SLC22A23: variants seen among roughly 807,000 people sequenced by gnomAD.
SLC22A23 encodes solute carrier family 22 member 23, also known as ion transporter protein.
SLC22A23 carries 26 observed loss-of-function variants against 61.0 expected under a neutral mutation model. That is an observed-to-expected ratio of 0.43 (90% CI 0.31 to 0.59). The LOEUF (loss-of-function observed/expected upper bound fraction) is 0.59. Among genes scored for constraint, SLC22A23 ranks in the 20% least tolerant of loss-of-function variants. The pLI is 0.11. For synonymous variants in SLC22A23, 430 were observed against 413.9 expected, an observed-to-expected ratio of 1.04 and a Z score of -0.47; for missense variants, 796 against 934.7, an observed-to-expected ratio of 0.85 and a Z score of 1.94.
At chr6:3,451,332 G>T (rs1213878463) in intron 1 of SLC22A23, among the ~76,000 whole-genome samples, 2 of 152,192 alleles carry the variant, frequency 1.3e-5, no homozygotes, top group East Asian at 3.9e-4. Flanking sequence ...TAGTAGCTGG[G>T]ATTAGAGGCG....
intron 1 of SLC22A23, among the ~76,000 whole-genome samples, chr6:3,431,848 T>C (rs1289638973): frequency 1.3e-5 from 2 of 152,168 alleles, no homozygotes; most frequent in East Asian, 3.9e-4. Context: ...CTCGGTCATT[T>C]CCTATGAGCT....
chr6:3,378,824 A>AT (rs1331452073), intron 3 of SLC22A23, among the ~76,000 whole-genome samples: 19 of 151,300 alleles, frequency 1.3e-4, no homozygotes, highest in African/African-American at 4.6e-4. Context: ...CACCCGGCTA[A>AT]TTTTTTGTAT....
chr6:3,310,920 A>C (rs766149161), intron 4 of SLC22A23, among the ~76,000 whole-genome samples: 29 of 152,232 alleles, frequency 1.9e-4, no homozygotes, highest in Admixed American at 8.5e-4. Flanking sequence ...TTATTAAATT[A>C]ATTTTACCCT....
At chr6:3,284,683 G>A (rs530317706) in intron 8 of SLC22A23, among the ~76,000 whole-genome samples, 155 of 152,320 alleles carry the variant, frequency 1.0e-3, no homozygotes, top group African/African-American at 3.1e-3. Context: ...AAGCTTACAT[G>A]AGTCAAAGGG....
Position 3,308,353 on chromosome 6 carries a change from C to A in SLC22A23, c.1083-10135G>T, listed in dbSNP as rs928162833. Among the ~76,000 whole-genome samples the A allele has an allele frequency of 1.3e-5, 2 of 152,170 alleles. No homozygotes were observed. Among genetic ancestry groups the A allele is most frequent in the Non-Finnish European group, 2.9e-5 (2 of 68,044 alleles). ...CCAAATCGTATTCAGGGCGCTGACA[C>A]GCACCTGCATCTCCAGGTGCCGCCT... On this transcript the variant is annotated intron_variant, in intron 4 of 9. Coordinates refer to ENST00000406686, the MANE Select transcript of SLC22A23 (RefSeq NM_015482.2). The surrounding 1 kb of genome is among the most constrained non-coding windows in gnomAD (Gnocchi z 5.1).
At chr6:3,373,307 T>G (rs1766347116) in intron 3 of SLC22A23, among the ~76,000 whole-genome samples, 3 of 152,238 alleles carry the variant, frequency 2.0e-5, no homozygotes, top group Admixed American at 6.5e-5. Context: ...GGGAGAAGAC[T>G]CTTAGAAGCT....
rs1294263326 is a variant in SLC22A23 at position 3,270,730 on chromosome 6, G to A, written c.*2325C>T. ...GTCTTCGTTGGACCAGTTTTTTATT[G>A]TCATTTGAGGTGGAGATCAGAGATC... On this transcript the variant is annotated 3_prime_UTR_variant, in exon 10 of 10. Coordinates refer to ENST00000406686, the MANE Select transcript of SLC22A23 (RefSeq NM_015482.2). 2.0e-5 allele frequency: 3 copies of A among 152,222 alleles called. No individual in the cohort carries two copies. 9.4% of individuals were successfully genotyped at this position (152,222 alleles called of 1,614,324 possible).
intron 1 of SLC22A23, among the ~76,000 whole-genome samples, chr6:3,439,817 G>A (rs1356487834): frequency 6.6e-6 from 1 of 152,160 alleles, no homozygotes; most frequent in Non-Finnish European, 1.5e-5. Context: ...AGGGAGCCAA[G>A]AAGGTCTGAA....
In SLC22A23 at chr6:3,324,369, T is replaced by C. The variant is rs1763156737; in HGVS notation, c.914-367A>G. On this transcript the variant is annotated intron_variant, in intron 3 of 9. Coordinates refer to ENST00000406686, the MANE Select transcript of SLC22A23 (RefSeq NM_015482.2). This position sits in a 1 kb window ranked among gnomAD's most constrained non-coding sequence, Gnocchi z 4.3. ...GCTTGCTGTCCAGCACGTTCCCCCC[T>C]CGTGCCCATCCTGTCGCCATTCCTT... Among the ~76,000 whole-genome samples, 1 of 152,114 alleles carries C rather than the reference T, an allele frequency of 6.6e-6. No individual in the cohort carries two copies. Among genetic ancestry groups the C allele is most frequent in the Non-Finnish European group, 1.5e-5 (1 of 68,026 alleles).
In SLC22A23 at chr6:3,342,849, G is replaced by A. The variant is rs985322565; in HGVS notation, c.914-18847C>T. The stretch of plus-strand genomic sequence containing the variant: ...CAAAGTTTAATCACATATGTATACC[G>A]GCAGGAGAGTGCAAAAAATGGCTCA... On this transcript the variant is annotated intron_variant, in intron 3 of 9. Coordinates refer to ENST00000406686, the MANE Select transcript of SLC22A23 (RefSeq NM_015482.2). The surrounding 1 kb of genome is among the most constrained non-coding windows in gnomAD (Gnocchi z 4.0). Among the ~76,000 whole-genome samples, 7 of 152,116 alleles carry A rather than the reference G, an allele frequency of 4.6e-5. No individual in the cohort carries two copies. Among genetic ancestry groups the A allele is most frequent in the East Asian group, 1.9e-4 (1 of 5,196 alleles).
At chr6:3,356,938 G>T (rs112693838) in intron 3 of SLC22A23, among the ~76,000 whole-genome samples, 4 of 151,836 alleles carry the variant, frequency 2.6e-5, no homozygotes, top group African/African-American at 4.8e-5. Flanking sequence ...AGAGGCGCAG[G>T]CTTCTAGATC....
intron 4 of SLC22A23, among the ~76,000 whole-genome samples, chr6:3,319,925 ATCT>A (rs1437388820): frequency 1.3e-5 from 2 of 152,160 alleles, no homozygotes; most frequent in Non-Finnish European, 2.9e-5. Flanking sequence ...CTTTGGGTGA[ATCT>A]TCTTCTGCCC....
intron 3 of SLC22A23, among the ~76,000 whole-genome samples, chr6:3,332,324 T>C (rs1032340977): frequency 8.5e-5 from 13 of 152,206 alleles, no homozygotes; most frequent in African/African-American, 3.1e-4. Flanking sequence ...CAATACCAGT[T>C]CACAGCATCA....
intron 4 of SLC22A23, among the ~76,000 whole-genome samples, chr6:3,316,244 C>G (rs896356851): frequency 6.6e-6 from 1 of 152,150 alleles, no homozygotes; most frequent in Non-Finnish European, 1.5e-5. Context: ...TATTGGTTCC[C>G]CCACCTACAA....
rs576965475 is a variant in SLC22A23 at position 3,309,993 on chromosome 6, G to A, written c.1083-11775C>T. ...CCATGATTGCAGTATTGCTTCTACAGCAGGAAAAATGTATTCTACAAAGAG... is the reference window on the plus strand; with the variant it reads ...CCATGATTGCAGTATTGCTTCTACAACAGGAAAAATGTATTCTACAAAGAG... On this transcript the variant is annotated intron_variant, in intron 4 of 9. Transcript: ENST00000406686. The surrounding 1 kb of genome is among the most constrained non-coding windows in gnomAD (Gnocchi z 4.7). 2.6e-5 allele frequency among the ~76,000 whole-genome samples: 4 copies of A among 152,302 alleles called. No homozygotes were observed. Among genetic ancestry groups the A allele is most frequent in the African/African-American group, 9.6e-5 (4 of 41,562 alleles).
intron 1 of SLC22A23, among the ~76,000 whole-genome samples, chr6:3,431,853 T>C (rs960144648): frequency 6.6e-6 from 1 of 152,196 alleles, no homozygotes; most frequent in African/African-American, 2.4e-5. Context: ...TCATTTCCTA[T>C]GAGCTTCCAT....
Position 3,324,002 on chromosome 6 carries a change from C to T in SLC22A23, c.914G>A (p.Arg305Gln), listed in dbSNP as rs1171482219. Residue 305 changes from arginine (R) to glutamine (Q), a missense_variant and splice_region_variant, in exon 4 of 10, where the codon CGA becomes CAA. Coordinates refer to ENST00000406686, the MANE Select transcript of SLC22A23 (RefSeq NM_015482.2). The surrounding 1 kb of genome is among the most constrained non-coding windows in gnomAD (Gnocchi z 4.3). Reference protein sequence around the residue: ...AGIILTLYALRIELCPPGKRF... With the variant: ...AGIILTLYALQIELCPPGKRF... ...TTTTCCAGGGGGGCACAGCTCTATT[C>T]CTAGAACACAGAACCAATGAGAGAG... The T allele has an allele frequency of 6.2e-7, 1 of 1,613,916 alleles. No homozygotes were observed. The highest frequency in any genetic ancestry group is 1.7e-5 in the Admixed American group (1 of 60,022).
At chr6:3,321,497 A>C (rs1762950742) in intron 4 of SLC22A23, among the ~76,000 whole-genome samples, 1 of 152,170 alleles carries the variant, frequency 6.6e-6, no homozygotes, top group Admixed American at 6.5e-5. Context: ...TATTTCAAAG[A>C]ATTTTCCTGA....
intron 1 of SLC22A23, among the ~76,000 whole-genome samples, chr6:3,416,353 A>C (rs1473592791): frequency 2.6e-5 from 4 of 152,282 alleles, no homozygotes; most frequent in African/African-American, 7.2e-5. Flanking sequence ...AGTCTTAAAA[A>C]TAAAAGCGAG....
Sources: allele counts gnomAD v4.1 joint callset (sites outside exome capture counted in the v4.1 genomes callset), GRCh38; gene constraint gnomAD v4.1.1; non-coding constraint Gnocchi (gnomAD v3.1); transcripts MANE v1.5; gene names NCBI Gene and HGNC (gene_info 2026-07-23, HGNC 2026-07-21).